The following CEP83 variants were observed in gnomAD, a reference collection of about 807,000 sequenced individuals.
CEP83 encodes the protein centrosomal protein 83.
In CEP83, 70 loss-of-function variants were observed where a neutral mutation model predicts 101.9. That is an observed-to-expected ratio of 0.69 (90% confidence interval 0.57 to 0.84). The LOEUF (loss-of-function observed/expected upper bound fraction) is 0.84. Ranked by LOEUF, CEP83 falls within the 40% of genes least tolerant of loss-of-function variation. CEP83 has a pLI of 0.00. For synonymous variants in CEP83, 264 were observed against 267.9 expected (o/e 0.99, Z 0.14); for missense variants, 715 against 787.2 (o/e 0.91, Z 1.10).
intron 15 of CEP83, among the ~76,000 whole-genome samples, chr12:94,310,498 A>T (rs1400903507): frequency 6.6e-6 from 1 of 152,220 alleles, no homozygotes; most frequent in Non-Finnish European, 1.5e-5. Context: ...CTCAGTATAC[A>T]CATGGGATTA....
At chr12:94,422,128 T>C (rs1292613788) in intron 2 of CEP83, among the ~76,000 whole-genome samples, 1 of 152,230 alleles carries the variant, frequency 6.6e-6, no homozygotes, top group African/African-American at 2.4e-5. Context: ...TACTTCCTCC[T>C]TTCCTTTGTT....
chr12:94,305,643 G>T (rs1169426147), downstream of CEP83: 1 of 180,528 alleles, frequency 5.5e-6, no homozygotes, highest in Admixed American at 5.9e-5. Context: ...TGTAGCACTT[G>T]TGCTACACTG....
chr12:94,282,040 T>C, the CEP83 span: 1 of 390,978 alleles, frequency 2.6e-6, no homozygotes, highest in Non-Finnish European at 4.7e-6. Flanking sequence ...TCGTCCCTCA[T>C]AGAATGCATT....
At chr12:94,298,165 T>C in the CEP83 span, among the ~76,000 whole-genome samples, 1 of 152,224 alleles carries the variant, frequency 6.6e-6, no homozygotes, top group Non-Finnish European at 1.5e-5. Flanking sequence ...CCCAGCCTAT[T>C]TGGCTTTTGT....
chr12:94,300,963 A>G, the CEP83 span: 1 of 1,613,506 alleles, frequency 6.2e-7, no homozygotes, highest in Non-Finnish European at 8.5e-7. Flanking sequence ...TTTGTCTTTG[A>G]CATTAAGAAG....
chr12:94,285,990 GTC>G, the CEP83 span, among the ~76,000 whole-genome samples: 7 of 152,350 alleles, frequency 4.6e-5, no homozygotes, highest in South Asian at 1.0e-3. Context: ...GGCAGGGCAA[GTC>G]TCTCCAGCAG....
chr12:94,357,499 T>G (rs1388334819), intron 11 of CEP83, among the ~76,000 whole-genome samples: 1 of 152,158 alleles, frequency 6.6e-6, no homozygotes, highest in Non-Finnish European at 1.5e-5. Context: ...GGAATCCGAT[T>G]TCGGGAAATG....
downstream of CEP83, chr12:94,304,057 A>C: frequency 6.8e-7 from 1 of 1,472,354 alleles, no homozygotes; most frequent in Non-Finnish European, 9.5e-7. Context: ...ATGAGGTAAG[A>C]TTTTAAATAA....
At chr12:94,452,877 G>C (rs1225102195) in intron 1 of CEP83, among the ~76,000 whole-genome samples, 2 of 152,126 alleles carry the variant, frequency 1.3e-5, no homozygotes, top group South Asian at 4.1e-4. Flanking sequence ...TTAAGTAACT[G>C]GTTCAAAAAG....
chr12:94,312,141 C>G (rs1969964459), intron 15 of CEP83, among the ~76,000 whole-genome samples: 1 of 151,966 alleles, frequency 6.6e-6, no homozygotes, highest in Non-Finnish European at 1.5e-5. Flanking sequence ...AAATTACTAC[C>G]AAATTAATAA....
chr12:94,359,355 G>GT (rs1269236326), intron 11 of CEP83, among the ~76,000 whole-genome samples: 2 of 152,052 alleles, frequency 1.3e-5, no homozygotes, highest in Non-Finnish European at 2.9e-5. Flanking sequence ...CAAAATGTTG[G>GT]TTTTTTGAAA....
intron 6 of CEP83, among the ~76,000 whole-genome samples, chr12:94,391,621 C>T (rs1005487354): frequency 2.0e-5 from 3 of 152,116 alleles, no homozygotes; most frequent in African/African-American, 4.8e-5. Context: ...CAAATTCACA[C>T]ACAACAATAT....
At chr12:94,432,301 A>G (rs544943376) in intron 2 of CEP83, among the ~76,000 whole-genome samples, 1 of 151,542 alleles carries the variant, frequency 6.6e-6, no homozygotes, top group South Asian at 2.1e-4. Flanking sequence ...TGGCCTCGTG[A>G]TCCGCCCACC....
the CEP83 span, among the ~76,000 whole-genome samples, chr12:94,286,053 C>T: frequency 6.6e-6 from 1 of 152,126 alleles, no homozygotes; most frequent in Non-Finnish European, 1.5e-5. Flanking sequence ...GAAGGCCTGT[C>T]GGGAGAGATA....
intron 8 of CEP83, among the ~76,000 whole-genome samples, chr12:94,370,429 A>G (rs2061248012): frequency 6.6e-6 from 1 of 152,238 alleles, no homozygotes; most frequent in African/African-American, 2.4e-5. Context: ...GCTGGAGTGC[A>G]GTGGCACGAT....
In CEP83 at chr12:94,388,948, G is replaced by A. The variant is rs550522376; in HGVS notation, c.550-9906C>T. On this transcript the variant is annotated intron_variant, in intron 6 of 16. Coordinates refer to ENST00000397809, the MANE Select transcript of CEP83 (RefSeq NM_016122.3). ...TCAAGATCAGCCTAGCCCACATGAC[G>A]AAACCCCACCTCTACTAAAAATAGA... is the stretch of plus-strand genomic sequence containing the variant. 1.2e-4 allele frequency among the ~76,000 whole-genome samples: 19 copies of A among 152,140 alleles called. No individual in the cohort carries two copies. In the South Asian group the frequency reaches 2.9e-3, roughly 23 times the overall value.
chr12:94,341,923 G>A (rs2059704260), intron 11 of CEP83, among the ~76,000 whole-genome samples: 1 of 152,140 alleles, frequency 6.6e-6, no homozygotes, highest in Non-Finnish European at 1.5e-5. Context: ...GCCAAACTGT[G>A]GGATTATCAT....
At position 94,399,570 on chromosome 12, in the gene CEP83, ATTTG is replaced by A. The variant is rs776648102; in HGVS notation, c.549+1276_549+1279del. ...ACAAGAGTTTTTGTATTTTTTGTTTATTTGTTTGTTTTATTAGCCAGGTGAGGTA... is the reference window on the plus strand; with the variant it reads ...ACAAGAGTTTTTGTATTTTTTGTTTATTTGTTTTATTAGCCAGGTGAGGTA... On this transcript the variant is annotated intron_variant, in intron 6 of 16. Transcript: ENST00000397809. 3.7e-4 allele frequency among the ~76,000 whole-genome samples: 57 copies of A among 152,164 alleles called. No individual in the cohort carries two copies. The Middle Eastern group carries it at 0.01, about 27-fold the overall frequency.
chr12:94,418,314 T>C (rs556964973), intron 2 of CEP83, among the ~76,000 whole-genome samples: 53 of 152,234 alleles, frequency 3.5e-4, no homozygotes, highest in East Asian at 2.5e-3. Context: ...TGAGCCAAGA[T>C]TGTGTCACTG....
Sources: gnomAD v4.1 joint callset for allele counts (sites outside exome capture counted in the v4.1 genomes callset) on GRCh38, gnomAD v4.1.1 for gene constraint, MANE v1.5 for transcripts, NCBI Gene and HGNC (gene_info 2026-07-23, HGNC 2026-07-21) for gene names.